The following ABCA7 variants were observed in gnomAD, a reference collection of about 807,000 sequenced individuals.
ABCA7 encodes the protein phospholipid-transporting ATPase ABCA7.
Under a neutral mutation model 227.6 loss-of-function variants are expected in ABCA7, and 261 were observed. The observed-to-expected ratio is 1.15, with a 90% CI of 1.04 to 1.27. The LOEUF is 1.27. Ranked by LOEUF, ABCA7 falls within the 50% of genes most tolerant of loss-of-function variation. The pLI, the probability that ABCA7 is intolerant of heterozygous loss-of-function variation, is 0.00. For missense variants in ABCA7, 3,331 were observed against 2,924.5 expected, an observed-to-expected ratio of 1.14 and a Z score of -3.21; for synonymous variants, 1,488 against 1,279.7, an observed-to-expected ratio of 1.16 and a Z score of -3.47.
chr19:1,062,239 G>T lies in ABCA7; in HGVS notation c.5638G>T (p.Glu1880Ter), dbSNP rs776575842. The part of the protein sequence containing the change: ...GYCPQSDAIF[E>*]LLTGREHLEL... ...CTGCCCTCAATCCGATGCCATCTTTGAGCTGCTGACGGGCCGCGAGCACCT... is the reference window on the plus strand; with the variant it reads ...CTGCCCTCAATCCGATGCCATCTTTTAGCTGCTGACGGGCCGCGAGCACCT... The change falls in exon 42 of 47, where the codon GAG becomes TAG. Residue 1880 changes from glutamate to a stop codon, truncating the protein, a stop_gained. Transcript: ENST00000263094. LOFTEE classifies it high-confidence loss of function. 6.2e-7 allele frequency: 1 copy of T among 1,612,122 alleles called. No homozygotes were observed. Among genetic ancestry groups the T allele is most frequent in the African/African-American group, 1.3e-5 (1 of 74,898 alleles).
intron 42 of ABCA7, 102 bp from the exon 43 acceptor site, chr19:1,063,442 T>G: frequency 6.8e-7 from 1 of 1,477,708 alleles, no homozygotes; most frequent in Non-Finnish European, 9.1e-7. Context: ...CCCATGCCCA[T>G]TATGCCCCTG....
chr19:1,051,560 G>C lies in ABCA7; in HGVS notation c.2936G>C (p.Trp979Ser), dbSNP rs2041634213. The change falls in exon 21 of 47, where the codon TGG (tryptophan) becomes TCG (serine). Residue 979 changes from tryptophan (W) to serine (S), a missense_variant. Coordinates refer to ENST00000263094, the MANE Select transcript of ABCA7 (RefSeq NM_019112.4). ...GATCCTGCTTCCCGCCGCGGTATTT[G>C]GGAGCTGCTGCTCAAATACCGAGAA... Reference protein sequence around the residue: ...GVDPASRRGIWELLLKYREGR... With the variant: ...GVDPASRRGISELLLKYREGR... 5.6e-6 allele frequency: 9 copies of C among 1,612,440 alleles called. No homozygotes were observed. The highest frequency in any genetic ancestry group is 6.8e-6 in the Non-Finnish European group (8 of 1,179,792).
chr19:1,053,897 C>T, intron 25 of ABCA7, 61 bp downstream of exon 25: 1 of 1,592,860 alleles, frequency 6.3e-7, no homozygotes, highest in Non-Finnish European at 8.6e-7. Flanking sequence ...GGCCAGGTCC[C>T]CATCCCTGGC....
In ABCA7 at chr19:1,056,869, C is replaced by T; in HGVS notation, c.4587-38C>T. On this transcript the variant is annotated intron_variant, in intron 33 of 46. Transcript: ENST00000263094. This position sits in a 1 kb window ranked among gnomAD's most constrained non-coding sequence, Gnocchi z 4.3. Reference sequence around the variant, plus strand: ...AGCTCTGCTCTGAGCAACCCATGCACCCTCACCCTACAACAGCTCTCATGT... The same window carrying T: ...AGCTCTGCTCTGAGCAACCCATGCATCCTCACCCTACAACAGCTCTCATGT... 3 of 1,595,758 alleles carry T rather than the reference C, an allele frequency of 1.9e-6. No homozygotes were observed. The highest frequency in any genetic ancestry group is 2.6e-6 in the Non-Finnish European group (3 of 1,167,974).
rs778537557 is a variant in ABCA7 at position 1,043,049 on chromosome 19, G to T, written c.588G>T (p.Ala196=). Residue 196 remains alanine (A), a synonymous_variant, in exon 8 of 47, where the codon GCG becomes GCT. Coordinates refer to ENST00000263094, the MANE Select transcript of ABCA7 (RefSeq NM_019112.4). ...AAEDLAQELL[A]LRSLVELRAL... ...TGGTAACCTCTCTCTAGCTCCTGGC[G>T]CTGCGCAGCCTGGTGGAGCTTCGGG... is the stretch of plus-strand genomic sequence containing the variant. 20 of 1,602,646 alleles carry T rather than the reference G, an allele frequency of 1.2e-5. No individual in the cohort carries two copies. Among genetic ancestry groups the T allele is most frequent in the Non-Finnish European group, 1.6e-5 (19 of 1,172,516 alleles).
intron 40 of ABCA7, 97 bp from the exon 41 acceptor site, chr19:1,061,685 G>A: frequency 5.1e-6 from 6 of 1,186,150 alleles, no homozygotes; most frequent in Admixed American, 2.6e-5. Flanking sequence ...GGAAACAAGA[G>A]CAAAACTTGG....
At chr19:1,060,207 A>ATATATATATATATATATATATTTTTTT in intron 40 of ABCA7, among the ~76,000 whole-genome samples, 8 of 96,862 alleles carry the variant, frequency 8.3e-5, no homozygotes, top group African/African-American at 2.8e-4. Flanking sequence ...ATATATATAT[A>ATATATATATATATATATATATTTTTTT]TTTTTTTTTC....
Position 1,048,926 on chromosome 19 carries a change from T to G in ABCA7, c.2301T>G (p.Phe767Leu). Residue 767 changes from phenylalanine to leucine, a missense_variant, in exon 17 of 47, where the codon TTT becomes TTG. By Grantham distance (22) the Phe-to-Leu change is conservative (BLOSUM62 0). Transcript: ENST00000263094. ...GQYGIPEPWN[F>L]PFRRSYWCGP... ...ACGGGATCCCTGAACCATGGAATTTTCCTTTTCGGAGGAGCTACTGGTGCG... is the reference window on the plus strand; with the variant it reads ...ACGGGATCCCTGAACCATGGAATTTGCCTTTTCGGAGGAGCTACTGGTGCG... The G allele has an allele frequency of 6.2e-7, 1 of 1,609,110 alleles. No homozygotes were observed. Among genetic ancestry groups the G allele is most frequent in the Non-Finnish European group, 8.5e-7 (1 of 1,178,168 alleles).
intron 6 of ABCA7, 118 bp from the exon 7 acceptor site, chr19:1,042,628 G>A: frequency 8.5e-7 from 1 of 1,179,372 alleles, no homozygotes; most frequent in South Asian, 1.2e-5. Flanking sequence ...CAGAGCCTCA[G>A]TTTCCCTATT....
chr19:1,063,413 A>G (rs891758210), intron 42 of ABCA7, 131 bp from the exon 43 acceptor site: 17 of 1,293,606 alleles, frequency 1.3e-5, no homozygotes, highest in Non-Finnish European at 2.1e-6. Flanking sequence ...ACTATGTCCC[A>G]TTCTCACATT....
intron 45 of ABCA7, 154 bp from the exon 46 acceptor site, chr19:1,064,777 C>T (rs1360035717): frequency 7.3e-6 from 8 of 1,098,068 alleles, no homozygotes; most frequent in Non-Finnish European, 9.2e-6. Flanking sequence ...GCTACGCGGG[C>T]GGGGGGTGGC....
chr19:1,055,465 T>A, intron 30 of ABCA7, 114 bp downstream of exon 30: 1 of 1,252,832 alleles, frequency 8.0e-7, no homozygotes, highest in Admixed American at 3.1e-5. Context: ...AGCTTGGGGC[T>A]ACGGGCTGGG....
chr19:1,061,143 C>A (rs754369937), intron 40 of ABCA7, among the ~76,000 whole-genome samples: 6 of 152,000 alleles, frequency 3.9e-5, no homozygotes, highest in Non-Finnish European at 5.9e-5. Flanking sequence ...ACAGCTGTAA[C>A]CCCAGCACTT....
In ABCA7 at chr19:1,043,476, G is replaced by A. The variant is rs967495190; in HGVS notation, c.930+3G>A. The A allele has an allele frequency of 2.5e-6, 4 of 1,613,230 alleles. No homozygotes were observed. The highest frequency in any genetic ancestry group is 3.4e-6 in the Non-Finnish European group (4 of 1,180,018). On this transcript the variant is annotated splice_donor_region_variant and intron_variant, in intron 9 of 46. Coordinates refer to ENST00000263094, the MANE Select transcript of ABCA7 (RefSeq NM_019112.4). ...TTACCCGGAAGCTCATGGCCCAGGT[G>A]GGGGCAGCCTGGATGCTGGGGTGGG...
intron 17 of ABCA7, 83 bp downstream of exon 17, chr19:1,049,088 C>A: frequency 1.0e-6 from 1 of 970,932 alleles, no homozygotes; most frequent in Non-Finnish European, 1.5e-6. Context: ...ATGCCAATGA[C>A]AATGACCTGG....
chr19:1,057,979 G>A lies in ABCA7; in HGVS notation c.4945G>A (p.Val1649Met). The change falls in exon 36 of 47, where the codon GTG (valine) becomes ATG (methionine). Residue 1649 changes from valine (V) to methionine (M), a missense_variant. Val to Met is a conservative substitution (Grantham distance 21). Transcript: ENST00000263094. ...CTTCTCCGTGCCCAGCACAGCCTAT[G>A]TGGTGCTCACCTGCATAAACCTCTT... ...FFFSVPSTAY[V>M]VLTCINLFIG... 1.9e-6 allele frequency: 3 copies of A among 1,614,052 alleles called. No individual in the cohort carries two copies. Among genetic ancestry groups the A allele is most frequent in the Non-Finnish European group, 2.5e-6 (3 of 1,180,028 alleles).
At chr19:1,060,989 G>A (rs1427185924) in intron 40 of ABCA7, among the ~76,000 whole-genome samples, 1 of 152,138 alleles carries the variant, frequency 6.6e-6, no homozygotes, top group Non-Finnish European at 1.5e-5. Flanking sequence ...TACCCACTGT[G>A]TGCCAAAAGC....
intron 16 of ABCA7, among the ~76,000 whole-genome samples, chr19:1,048,191 TAAAAA>T (rs35966146): frequency 9.9e-6 from 1 of 101,442 alleles, no homozygotes; most frequent in Non-Finnish European, 1.9e-5. Flanking sequence ...TCCATCTCTT[TAAAAA>T]AAAAAAAAAA....
chr19:1,046,331 G>A lies in ABCA7; in HGVS notation c.1547G>A (p.Arg516His), dbSNP rs377020137. ...GACCTGGTGGAGCGTGCAGCCGTCC[G>A]CGTGCTCAGCGGCGCCAACCCCCGG... is the stretch of plus-strand genomic sequence containing the variant. ...LQDLVERAAV[R>H]VLSGANPRAG... is the part of the protein sequence containing the mutation. The change falls in exon 13 of 47, where the codon CGC becomes CAC. Residue 516 changes from arginine to histidine, a missense_variant. By Grantham distance (29) the Arg-to-His change is conservative (BLOSUM62 0). Transcript: ENST00000263094. 5 of 1,602,506 alleles carry A rather than the reference G, an allele frequency of 3.1e-6. No homozygotes were observed. The African/African-American group carries it at 4.0e-5, about 13-fold the overall frequency.
Sources: gnomAD v4.1 joint callset for allele counts (sites outside exome capture counted in the v4.1 genomes callset) on GRCh38, gnomAD v4.1.1 for gene constraint, Gnocchi (gnomAD v3.1) non-coding constraint, MANE v1.5 for transcripts, NCBI Gene and HGNC (gene_info 2026-07-23, HGNC 2026-07-21) for gene names.